The following APP variants were observed in gnomAD, a reference collection of about 807,000 sequenced individuals.
APP encodes amyloid beta precursor protein, also known as amyloid-beta precursor protein.
APP carries 31 observed loss-of-function variants against 101.4 expected under a neutral mutation model. The ratio of observed to expected loss-of-function variants is 0.31; its 90% CI spans 0.23 to 0.41. The LOEUF (loss-of-function observed/expected upper bound fraction) is 0.41. APP is among the 10% of genes least tolerant of loss of function. The pLI is 1.00. For missense variants in APP, 839 were observed against 1,003.7 expected (o/e 0.84, Z 2.22); for synonymous variants, 366 against 364.4 (o/e 1.00, Z -0.05).
chr21:26,128,050 A>G (rs1231421723), intron 1 of APP, among the ~76,000 whole-genome samples: 2 of 152,206 alleles, frequency 1.3e-5, no homozygotes, highest in African/African-American at 2.4e-5. Flanking sequence ...ATATAACCAC[A>G]TATGACACAC....
At chr21:26,168,411 G>T (rs1026686035) in intron 1 of APP, among the ~76,000 whole-genome samples, 1 of 152,058 alleles carries the variant, frequency 6.6e-6, no homozygotes, top group Non-Finnish European at 1.5e-5. Flanking sequence ...CCAACACTTC[G>T]CAAAATGGCA....
At chr21:25,903,404 TA>T (rs2038618005) in intron 15 of APP, among the ~76,000 whole-genome samples, 1 of 151,746 alleles carries the variant, frequency 6.6e-6, no homozygotes. Context: ...ACAATTTTTT[TA>T]AAAAAGAAAA....
In APP at chr21:25,955,755, G is replaced by T; in HGVS notation, c.1459C>A (p.Pro487Thr). 1 of 1,614,128 alleles carries T rather than the reference G, an allele frequency of 6.2e-7. No individual in the cohort carries two copies. Among genetic ancestry groups the T allele is most frequent in the Non-Finnish European group, 8.5e-7 (1 of 1,180,000 alleles). Residue 487 changes from proline to threonine, a missense_variant and splice_region_variant, in exon 12 of 18, where the codon CCT becomes ACT. Transcript: ENST00000346798. ...ITALQAVPPR[P>T]RHVFNMLKKY... The stretch of plus-strand genomic sequence containing the variant: ...TTTAGCATATTGAACACGTGACGAG[G>T]CTGTGGGAGGAAAATGAAAAACTCT...
chr21:25,898,111 G>T (rs1569024735), intron 15 of APP: 1 of 179,732 alleles, frequency 5.6e-6, no homozygotes, highest in Non-Finnish European at 1.2e-5. Flanking sequence ...TAATTACCTG[G>T]TAGAACAAAA....
At chr21:25,897,439 T>C in intron 16 of APP, 134 bp downstream of exon 16, 2 of 788,886 alleles carry the variant, frequency 2.5e-6, no homozygotes, top group South Asian at 1.4e-5. Context: ...CTTCATGTTT[T>C]CATGGTAATC....
intron 1 of APP, among the ~76,000 whole-genome samples, chr21:26,119,902 A>G (rs1029096785): frequency 3.3e-5 from 5 of 152,256 alleles, no homozygotes; most frequent in Non-Finnish European, 7.3e-5. Flanking sequence ...ATGATTTTCC[A>G]GTATGGCTTC....
intron 5 of APP, among the ~76,000 whole-genome samples, chr21:26,026,981 A>T (rs929700926): frequency 6.6e-5 from 10 of 152,342 alleles, no homozygotes; most frequent in African/African-American, 2.4e-4. Flanking sequence ...CCTTCTGCCT[A>T]ATTTTGCTGT....
intron 3 of APP, among the ~76,000 whole-genome samples, chr21:26,062,564 G>A (rs1256398315): frequency 6.7e-6 from 1 of 150,328 alleles, no homozygotes; most frequent in Non-Finnish European, 1.5e-5. Context: ...CGGGAGGCTG[G>A]GGCAGGAGAA....
chr21:26,133,460 A>G (rs1174071305), intron 1 of APP, among the ~76,000 whole-genome samples: 2 of 152,136 alleles, frequency 1.3e-5, no homozygotes, highest in Non-Finnish European at 2.9e-5. Flanking sequence ...CTACAATCTT[A>G]TTCTATATCT....
At chr21:26,124,526 T>C (rs1316102394) in intron 1 of APP, among the ~76,000 whole-genome samples, 1 of 152,226 alleles carries the variant, frequency 6.6e-6, no homozygotes, top group African/African-American at 2.4e-5. Flanking sequence ...AAGAATTACA[T>C]AAACAGTGTG....
Position 25,887,540 on chromosome 21 carries a change from A to AAAAAAAC in APP, c.2211+4181_2211+4182insGTTTTTT, listed in dbSNP as rs367900945. ...TTGAAAAAAAAAAAAAAAAAAAAAA[A>AAAAAAAC]CAACAACTAGCAAGTGCTCATTTCC... On this transcript the variant is annotated intron_variant, in intron 17 of 17. Coordinates refer to ENST00000346798, the MANE Select transcript of APP (RefSeq NM_000484.4). 7.9e-5 allele frequency among the ~76,000 whole-genome samples: 11 copies of AAAAAAAC among 139,266 alleles called. 3 individuals carry two copies. Among genetic ancestry groups the AAAAAAAC allele is most frequent in the East Asian group, 4.1e-4 (2 of 4,890 alleles). The allele number at this position is 139,266 out of a possible 152,430, so 91.4% of individuals were successfully genotyped here.
intron 13 of APP, among the ~76,000 whole-genome samples, chr21:25,947,593 T>A (rs2040877904): frequency 6.6e-6 from 1 of 152,246 alleles, no homozygotes. Flanking sequence ...CACAGGCAGC[T>A]AAACTTACAG....
intron 1 of APP, among the ~76,000 whole-genome samples, chr21:26,156,328 T>G (rs439826): frequency 0.57 from 86,641 of 152,030 alleles, 26,180 homozygotes; most frequent in South Asian, 0.7. Context: ...TTTAATATAT[T>G]TTAAATGAAC....
rs193062130 is a variant in APP at position 26,019,406 on chromosome 21, T to C, written c.865+2434A>G. Among the ~76,000 whole-genome samples, 24 of 152,282 alleles carry C rather than the reference T, an allele frequency of 1.6e-4. No individual in the cohort carries two copies. In the East Asian group the frequency reaches 4.4e-3, roughly 28 times the overall value. On this transcript the variant is annotated intron_variant, in intron 6 of 17. Coordinates refer to ENST00000346798, the MANE Select transcript of APP (RefSeq NM_000484.4). Reference sequence around the variant, plus strand: ...GTAGACACACCACCCACCCACACTTTTGGCTCTAGTTCAAATGTCATGCTC... The same window carrying C: ...GTAGACACACCACCCACCCACACTTCTGGCTCTAGTTCAAATGTCATGCTC...
chr21:25,982,313 T>G, intron 9 of APP, 31 bp downstream of exon 9: 1 of 1,612,896 alleles, frequency 6.2e-7, no homozygotes, highest in Non-Finnish European at 8.5e-7. Context: ...CCCAATATCG[T>G]AGGGCTGAAT....
intron 15 of APP, among the ~76,000 whole-genome samples, chr21:25,899,504 G>T (rs1023557938): frequency 6.6e-5 from 10 of 152,132 alleles, no homozygotes; most frequent in African/African-American, 2.4e-4. Context: ...TGGTGCAGGG[G>T]TGCGAGATGC....
chr21:26,007,044 A>G (rs536854605), intron 6 of APP, among the ~76,000 whole-genome samples: 1 of 152,248 alleles, frequency 6.6e-6, no homozygotes, highest in Non-Finnish European at 1.5e-5. Context: ...AGAGAGAGCT[A>G]GGAACTATAT....
intron 17 of APP, among the ~76,000 whole-genome samples, chr21:25,888,636 C>G (rs2146223141): frequency 6.6e-6 from 1 of 152,238 alleles, no homozygotes; most frequent in South Asian, 2.1e-4. Context: ...GAGAGAAGAG[C>G]TGAACAGCCA....
At chr21:26,165,070 TA>T (rs1021189498) in intron 1 of APP, among the ~76,000 whole-genome samples, 10 of 152,360 alleles carry the variant, frequency 6.6e-5, no homozygotes, top group African/African-American at 2.4e-4. Flanking sequence ...ACATGTATTC[TA>T]AAAATTGTAT....
Sources: allele counts gnomAD v4.1 joint callset (sites outside exome capture counted in the v4.1 genomes callset), GRCh38; gene constraint gnomAD v4.1.1; transcripts MANE v1.5; gene names NCBI Gene and HGNC (gene_info 2026-07-23, HGNC 2026-07-21).